TENT4B: variants seen among roughly 807,000 people sequenced by gnomAD.
The protein encoded by TENT4B is PAP associated domain containing 5.
Under a neutral mutation model 75.0 loss-of-function variants are expected in TENT4B, and 10 were observed. The observed-to-expected ratio is 0.13, with a 90% CI of 0.08 to 0.23. TENT4B has a LOEUF of 0.23. Ranked by LOEUF, TENT4B falls within the 10% of genes least tolerant of loss-of-function variation. TENT4B has a pLI of 1.00. For synonymous variants in TENT4B, 350 were observed against 357.7 expected (o/e 0.98, Z 0.24); for missense variants, 579 against 893.8 (o/e 0.65, Z 4.49).
intron 1 of TENT4B, among the ~76,000 whole-genome samples, chr16:50,197,528 A>G (rs576407323): frequency 5.3e-5 from 8 of 152,316 alleles, no homozygotes; most frequent in African/African-American, 9.6e-5. Context: ...GGCTCAAGCA[A>G]TCTGCCTGCC....
At chr16:50,155,159 A>T (rs903931722) in intron 1 of TENT4B, among the ~76,000 whole-genome samples, 2 of 152,132 alleles carry the variant, frequency 1.3e-5, no homozygotes, top group Non-Finnish European at 2.9e-5. Context: ...CTAGTGAATT[A>T]TGTACATAAG....
upstream of TENT4B, chr16:50,153,135 T>G (rs2037793822): frequency 2.9e-6 from 2 of 699,950 alleles, no homozygotes; most frequent in East Asian, 7.9e-5. Flanking sequence ...CCTCCCGGGC[T>G]GCTGCGCGGC....
chr16:50,202,010 C>T (rs1451796975), intron 1 of TENT4B, among the ~76,000 whole-genome samples: 1 of 151,856 alleles, frequency 6.6e-6, no homozygotes, highest in Non-Finnish European at 1.5e-5. Context: ...CAAAAGATTT[C>T]AACAGTGCAG....
At chr16:50,223,437 G>A in intron 7 of TENT4B, 50 bp downstream of exon 7, 3 of 1,253,646 alleles carry the variant, frequency 2.4e-6, no homozygotes, top group Non-Finnish European at 3.4e-6. Context: ...GGCACTGTCA[G>A]TCACCTTATT....
rs1412320551 is a variant in TENT4B, at chr16:50,232,280, G to C, written c.*2952G>C. Reference sequence around the variant, plus strand: ...CAGTTTTCAAATCTAGCTTGGATCTGTAGGACCTATGTTTTTTACAAGTAA... The same window carrying C: ...CAGTTTTCAAATCTAGCTTGGATCTCTAGGACCTATGTTTTTTACAAGTAA... On this transcript the variant is annotated 3_prime_UTR_variant, in exon 12 of 12. Transcript: ENST00000561678. 4.1e-6 allele frequency: 4 copies of C among 985,276 alleles called. No homozygotes were observed. In the African/African-American group the frequency reaches 7.0e-5, roughly 17 times the overall value. 61.0% of individuals were successfully genotyped at this position (985,276 alleles called of 1,614,324 possible). A position where few individuals can be genotyped will look rare whatever the true frequency, so the allele number is the denominator to read the frequency against.
intron 1 of TENT4B, among the ~76,000 whole-genome samples, chr16:50,208,947 T>G (rs1170342636): frequency 6.6e-6 from 1 of 152,140 alleles, no homozygotes; most frequent in Non-Finnish European, 1.5e-5. Context: ...GGCCAGATGG[T>G]CTCCAACTCC....
At chr16:50,201,451 C>G (rs574859030) in intron 1 of TENT4B, among the ~76,000 whole-genome samples, 1 of 151,780 alleles carries the variant, frequency 6.6e-6, no homozygotes, top group South Asian at 2.1e-4. Context: ...GCATGAGAAT[C>G]GATTGAACCT....
At position 50,187,090 on chromosome 16, in the gene TENT4B, A is replaced by G. The variant is rs374828677; in HGVS notation, c.639-24233A>G. Among the ~76,000 whole-genome samples the G allele has an allele frequency of 5.3e-5, 8 of 152,228 alleles. No homozygotes were observed. The South Asian group carries it at 1.7e-3, about 32-fold the overall frequency. On this transcript the variant is annotated intron_variant, in intron 1 of 11. Transcript: ENST00000561678. ...CTCTCTTGATAGTGTCCTTTGATGCACAAAAGCTTTCAATTTTGATGAAGT... is the reference window on the plus strand; with the variant it reads ...CTCTCTTGATAGTGTCCTTTGATGCGCAAAAGCTTTCAATTTTGATGAAGT...
intron 1 of TENT4B, among the ~76,000 whole-genome samples, chr16:50,187,880 G>GA (rs1054248799): frequency 1.3e-4 from 20 of 150,218 alleles, no homozygotes; most frequent in African/African-American, 2.9e-4. Context: ...AAAAAAAGAA[G>GA]AAAAAAAAAC....
At chr16:50,163,212 A>C (rs1301259130) in intron 1 of TENT4B, among the ~76,000 whole-genome samples, 2 of 152,170 alleles carry the variant, frequency 1.3e-5, no homozygotes, top group African/African-American at 4.8e-5. Context: ...TAATTCTATA[A>C]TTAGGTGACT....
chr16:50,190,170 A>G (rs1269695826), intron 1 of TENT4B, among the ~76,000 whole-genome samples: 1 of 151,874 alleles, frequency 6.6e-6, no homozygotes, highest in African/African-American at 2.4e-5. Context: ...GTGAAATAAC[A>G]TTGCTAGTAT....
Position 50,229,222 on chromosome 16 carries a change from C to T in TENT4B, c.2036C>T (p.Ser679Phe). Residue 679 changes from serine to phenylalanine, a missense_variant, in exon 12 of 12, where the codon TCC (serine) becomes TTC (phenylalanine). By Grantham distance (155) the Ser-to-Phe change is radical. This residue lies in a region of TENT4B where 164 missense variants were observed against 226.5 expected (regional missense o/e 0.72). Transcript: ENST00000561678. ...FQGTTQTSHG[S>F]LMTNKQHQGK... ...GGTACAACTCAAACAAGCCATGGTT[C>T]CTTGATGACAAACAAACAACATCAA... 1 of 1,613,836 alleles carries T rather than the reference C, an allele frequency of 6.2e-7. No homozygotes were observed. Among genetic ancestry groups the T allele is most frequent in the East Asian group, 2.2e-5 (1 of 44,874 alleles).
At position 50,229,999 on chromosome 16, in the gene TENT4B, A is replaced by G. The variant is rs367717275; in HGVS notation, c.*671A>G. ...CATATATAGGGAAGTGATTAGTTCTATTACTCAATTTGTTTTTCTCAGCAT... is the reference window on the plus strand; with the variant it reads ...CATATATAGGGAAGTGATTAGTTCTGTTACTCAATTTGTTTTTCTCAGCAT... On this transcript the variant is annotated 3_prime_UTR_variant, in exon 12 of 12. Coordinates refer to ENST00000561678, the MANE Select transcript of TENT4B (RefSeq NM_001365324.3). The G allele has an allele frequency of 3.3e-5, 32 of 977,406 alleles. No homozygotes were observed. The highest frequency in any genetic ancestry group is 5.2e-4 in the Middle Eastern group (1 of 1,922). The allele number at this position is 977,406 out of a possible 1,614,324, so 60.5% of individuals were successfully genotyped here. A position where few individuals can be genotyped will look rare whatever the true frequency, so the allele number is the denominator to read the frequency against.
chr16:50,163,804 T>C (rs928299509), intron 1 of TENT4B, among the ~76,000 whole-genome samples: 8 of 152,160 alleles, frequency 5.3e-5, no homozygotes, highest in Non-Finnish European at 1.0e-4. Context: ...GCACTCTTAC[T>C]GTGGGAATAA....
intron 1 of TENT4B, among the ~76,000 whole-genome samples, chr16:50,197,253 C>G (rs1013629916): frequency 6.6e-6 from 1 of 152,166 alleles, no homozygotes; most frequent in Non-Finnish European, 1.5e-5. Context: ...ACTAGAGACA[C>G]TTCCCATTTG....
rs1173098891 is a variant in TENT4B at position 50,234,373 on chromosome 16, T to A, written c.*5045T>A. 1.0e-6 allele frequency: 1 copy of A among 985,266 alleles called. No homozygotes were observed. The highest frequency in any genetic ancestry group is 1.2e-6 in the Non-Finnish European group (1 of 829,956). The allele number at this position is 985,266 out of a possible 1,614,324, so 61.0% of individuals were successfully genotyped here. A position where few individuals can be genotyped will look rare whatever the true frequency, so the allele number is the denominator to read the frequency against. On this transcript the variant is annotated 3_prime_UTR_variant, in exon 12 of 12. Transcript: ENST00000561678. ...TCCAAAGCCAGCAACTTGGTGAAGT[T>A]CAGTACTTGCCTCTTAGAGGTTAGG...
At chr16:50,165,049 G>A (rs980073091) in intron 1 of TENT4B, among the ~76,000 whole-genome samples, 22 of 106,650 alleles carry the variant, frequency 2.1e-4, no homozygotes, top group African/African-American at 5.9e-4. Context: ...GCGAGACCTC[G>A]TCTGAAAAAT....
At chr16:50,168,960 T>G (rs1385471632) in intron 1 of TENT4B, among the ~76,000 whole-genome samples, 1 of 152,156 alleles carries the variant, frequency 6.6e-6, no homozygotes, top group Non-Finnish European at 1.5e-5. Context: ...TCATATAATT[T>G]CATATAAATA....
At chr16:50,168,467 A>ATTTTTTTTTTTTTT (rs61664898) in intron 1 of TENT4B, among the ~76,000 whole-genome samples, 1 of 123,364 alleles carries the variant, frequency 8.1e-6, no homozygotes, top group African/African-American at 3.1e-5. Context: ...CACCCAGCTA[A>ATTTTTTTTTTTTTT]TTTTTTTTTT....
Sources: allele counts gnomAD v4.1 joint callset (sites outside exome capture counted in the v4.1 genomes callset), GRCh38; gene constraint gnomAD v4.1.1; regional missense constraint gnomAD v4.1.1; transcripts MANE v1.5; gene names NCBI Gene and HGNC (gene_info 2026-07-23, HGNC 2026-07-21).